OSBPL6: variants seen among roughly 807,000 people sequenced by gnomAD.
OSBPL6 encodes oxysterol-binding protein-related protein 6.
OSBPL6 carries 49 observed loss-of-function variants against 125.8 expected under a neutral mutation model. The ratio of observed to expected loss-of-function variants is 0.39; its 90% CI spans 0.31 to 0.49. The LOEUF (loss-of-function observed/expected upper bound fraction) is 0.49, where lower values mean the gene tolerates loss of function less well. Among genes scored for constraint, OSBPL6 ranks in the 20% least tolerant of loss-of-function variants. The pLI is 0.88. For synonymous variants in OSBPL6, 394 were observed against 391.8 expected, an observed-to-expected ratio of 1.01 and a Z score of -0.07; for missense variants, 986 against 1,135.4, an observed-to-expected ratio of 0.87 and a Z score of 1.89.
At chr2:178,263,667 G>A (rs2092134249) in intron 1 of OSBPL6, among the ~76,000 whole-genome samples, 1 of 152,158 alleles carries the variant, frequency 6.6e-6, no homozygotes, top group Admixed American at 6.5e-5. Flanking sequence ...GTTTTCTGCT[G>A]TATTGGGATG....
Position 178,394,364 on chromosome 2 carries a change from A to G in OSBPL6, c.2625A>G (p.Val875=). ...LEAAASEKQR[V]EELQRSRRRY... is the part of the protein sequence containing the mutation. ...CTGCAGCATCAGAGAAGCAAAGAGT[A>G]GAGGAACTCCAGAGATCTCGGAGAC... The change falls in exon 24 of 25, where the codon GTA becomes GTG. Residue 875 remains valine, a synonymous_variant. Transcript: ENST00000190611. The G allele has an allele frequency of 6.2e-7, 1 of 1,613,724 alleles. No individual in the cohort carries two copies. Among genetic ancestry groups the G allele is most frequent in the East Asian group, 2.2e-5 (1 of 44,872 alleles).
intron 2 of OSBPL6, among the ~76,000 whole-genome samples, chr2:178,295,661 G>A (rs563298284): frequency 2.0e-4 from 30 of 152,236 alleles, no homozygotes; most frequent in African/African-American, 7.2e-4. Context: ...AGGATTAGTG[G>A]ACAATGGAAG....
intron 1 of OSBPL6, among the ~76,000 whole-genome samples, chr2:178,267,696 G>A (rs1045640024): frequency 6.6e-6 from 1 of 152,104 alleles, no homozygotes; most frequent in African/African-American, 2.4e-5. Flanking sequence ...CCTGCCTGCT[G>A]TGTATAAGAT....
At chr2:178,325,023 T>G (rs987482391) in intron 4 of OSBPL6, among the ~76,000 whole-genome samples, 1 of 152,208 alleles carries the variant, frequency 6.6e-6, no homozygotes, top group Non-Finnish European at 1.5e-5. Flanking sequence ...CTTTTCTGTG[T>G]CATGGGAGCC....
chr2:178,291,716 C>CCTTCCTTCCTTCTTT, intron 2 of OSBPL6, among the ~76,000 whole-genome samples: 1 of 108,738 alleles, frequency 9.2e-6, no homozygotes, highest in African/African-American at 3.2e-5. Context: ...TTTCCTCCCT[C>CCTTCCTTCCTTCTTT]CCTCCCTCCC....
intron 2 of OSBPL6, among the ~76,000 whole-genome samples, chr2:178,292,262 T>G (rs1030335437): frequency 1.8e-4 from 27 of 152,214 alleles, no homozygotes; most frequent in Non-Finnish European, 2.9e-4. Flanking sequence ...ATGTTTTACA[T>G]ACAGAAGAAT....
intron 13 of OSBPL6, among the ~76,000 whole-genome samples, chr2:178,365,947 G>A (rs1185517900): frequency 6.6e-6 from 1 of 152,030 alleles, no homozygotes; most frequent in Non-Finnish European, 1.5e-5. Flanking sequence ...TTGGAGTGAG[G>A]TGACACAGTC....
chr2:178,297,741 G>C (rs1485511816), intron 2 of OSBPL6, among the ~76,000 whole-genome samples: 1 of 152,152 alleles, frequency 6.6e-6, no homozygotes, highest in Non-Finnish European at 1.5e-5. Context: ...CTGTCTAATA[G>C]GTTGGAAAGA....
At position 178,395,772 on chromosome 2, in the gene OSBPL6, TAAAAAAAA is replaced by T. The variant is rs746653123; in HGVS notation, c.*234_*241del. On this transcript the variant is annotated 3_prime_UTR_variant, in exon 25 of 25. Coordinates refer to ENST00000190611, the MANE Select transcript of OSBPL6 (RefSeq NM_032523.4). ...TCTGTTTTGCTGCAACCATATTCCTTAAAAAAAAAAAAAAAAAAAAAAAAAAAATCCAC... is the reference window on the plus strand; with the variant it reads ...TCTGTTTTGCTGCAACCATATTCCTTAAAAAAAAAAAAAAAAAAAATCCAC... 6.7e-4 allele frequency: 164 copies of T among 243,368 alleles called. No homozygotes were observed. The highest frequency in any genetic ancestry group is 1.8e-3 in the African/African-American group (40 of 22,010). 15.1% of individuals were successfully genotyped at this position (243,368 alleles called of 1,614,324 possible).
intron 4 of OSBPL6, among the ~76,000 whole-genome samples, chr2:178,324,832 A>C (rs530458930): frequency 6.6e-6 from 1 of 152,362 alleles, no homozygotes; most frequent in Non-Finnish European, 1.5e-5. Context: ...TAGCAGAGCA[A>C]GAATTCAAAC....
At chr2:178,196,769 A>T (rs2088921757) in intron 1 of OSBPL6, among the ~76,000 whole-genome samples, 1 of 152,212 alleles carries the variant, frequency 6.6e-6, no homozygotes, top group Admixed American at 6.5e-5. Flanking sequence ...TAAGGCATAC[A>T]TTCTCAAAAG....
intron 1 of OSBPL6, among the ~76,000 whole-genome samples, chr2:178,246,668 A>T (rs530639757): frequency 6.6e-6 from 1 of 152,088 alleles, no homozygotes; most frequent in South Asian, 2.1e-4. Flanking sequence ...CAAAATAAAA[A>T]CCTTGGTGTC....
chr2:178,244,557 A>T (rs756486766), intron 1 of OSBPL6, among the ~76,000 whole-genome samples: 4 of 152,190 alleles, frequency 2.6e-5, no homozygotes, highest in Non-Finnish European at 5.9e-5. Context: ...AGGGAATAAT[A>T]TCATATTCCT....
intron 1 of OSBPL6, among the ~76,000 whole-genome samples, chr2:178,221,965 G>A (rs1042810218): frequency 3.3e-5 from 5 of 152,032 alleles, no homozygotes; most frequent in African/African-American, 9.7e-5. Flanking sequence ...GCACACTTTC[G>A]CATCCCATGT....
chr2:178,289,391 C>G (rs1395868180), intron 2 of OSBPL6, among the ~76,000 whole-genome samples: 1 of 152,178 alleles, frequency 6.6e-6, no homozygotes, highest in Non-Finnish European at 1.5e-5. Context: ...ATAAGAATAG[C>G]ATAATGAACA....
At chr2:178,243,263 GT>G (rs1307289260) in intron 1 of OSBPL6, among the ~76,000 whole-genome samples, 1 of 152,290 alleles carries the variant, frequency 6.6e-6, no homozygotes, top group South Asian at 2.1e-4. Context: ...TTCAAAGAAG[GT>G]AGGACAGTTT....
intron 1 of OSBPL6, among the ~76,000 whole-genome samples, chr2:178,244,622 A>G (rs1031283832): frequency 2.5e-4 from 38 of 152,202 alleles, no homozygotes; most frequent in Admixed American, 2.2e-3. Context: ...ACTGGAAGGC[A>G]TTTGATAGAT....
intron 3 of OSBPL6, among the ~76,000 whole-genome samples, chr2:178,308,181 T>C (rs1686953029): frequency 6.6e-6 from 1 of 152,238 alleles, no homozygotes; most frequent in African/African-American, 2.4e-5. Context: ...TCCTGTTTTG[T>C]GTCTGTCTAC....
chr2:178,267,480 A>G (rs1180319380), intron 1 of OSBPL6, among the ~76,000 whole-genome samples: 1 of 152,170 alleles, frequency 6.6e-6, no homozygotes. Context: ...TATAGGATGA[A>G]AAGAAAACTG....
Sources: allele counts gnomAD v4.1 joint callset (sites outside exome capture counted in the v4.1 genomes callset), GRCh38; gene constraint gnomAD v4.1.1; transcripts MANE v1.5; gene names NCBI Gene and HGNC (gene_info 2026-07-23, HGNC 2026-07-21).